SLC49A3: variants seen among roughly 807,000 people sequenced by gnomAD.
SLC49A3 encodes the protein solute carrier family 49 member 3, also known as solute carrier family 49 member A3.
Under a neutral mutation model 43.8 loss-of-function variants are expected in SLC49A3, and 50 were observed. The observed-to-expected ratio is 1.14, with a 90% CI of 0.91 to 1.45. The LOEUF (loss-of-function observed/expected upper bound fraction) is 1.45. Among genes scored for constraint, SLC49A3 ranks in the 40% most tolerant of loss-of-function variants. The pLI is 0.00. For synonymous variants in SLC49A3, 413 were observed against 352.0 expected, an observed-to-expected ratio of 1.17 and a Z score of -1.94; for missense variants, 906 against 774.1, an observed-to-expected ratio of 1.17 and a Z score of -2.02.
chr4:686,054 A>AGC (rs760181752), intron 3 of SLC49A3, 35 bp downstream of exon 3: 2 of 1,611,616 alleles, frequency 1.2e-6, no homozygotes, highest in African/African-American at 1.3e-5. Flanking sequence ...CCCTGAGGTG[A>AGC]GCCCAGGCAG....
intron 8 of SLC49A3, 56 bp downstream of exon 8, chr4:683,154 G>C: frequency 6.2e-7 from 1 of 1,605,924 alleles, no homozygotes; most frequent in Non-Finnish European, 8.5e-7. Flanking sequence ...CAGGGGTGTA[G>C]GGGTGGAGCA....
intron 8 of SLC49A3, 121 bp from the exon 9 acceptor site, chr4:683,011 G>A (rs564982610): frequency 5.4e-6 from 6 of 1,112,130 alleles, no homozygotes; most frequent in Admixed American, 4.8e-5. Context: ...AAGGCAGCAC[G>A]CAGCCTCGGT....
downstream of SLC49A3, chr4:676,972 G>A: frequency 3.1e-6 from 3 of 975,130 alleles, no homozygotes; most frequent in Non-Finnish European, 3.7e-6. Context: ...TGTCCCTCAG[G>A]GGGTAGGACC....
In SLC49A3 at chr4:682,806, C is replaced by G. The variant is rs763564158; in HGVS notation, c.1236G>C (p.Gln412His). 2.5e-6 allele frequency: 4 copies of G among 1,598,630 alleles called. No individual in the cohort carries two copies. In the East Asian group the frequency reaches 9.0e-5, roughly 36 times the overall value. The change falls in exon 9 of 10, where the codon CAG becomes CAC. Residue 412 changes from glutamine to histidine, a missense_variant. Physicochemically the swap from Gln to His is conservative, Grantham distance 24. Coordinates refer to ENST00000322224, the MANE Select transcript of SLC49A3 (RefSeq NM_032219.4). Reference protein sequence around the residue: ...RSEPSLSTCQQGEDPLDWTVS... With the variant: ...RSEPSLSTCQHGEDPLDWTVS... ...CTGTCCAGTCAAGTGGATCCTCCCCCTGCTGGCAGGTGGACAAGGACGGCT... is the reference window on the plus strand; with the variant it reads ...CTGTCCAGTCAAGTGGATCCTCCCCGTGCTGGCAGGTGGACAAGGACGGCT...
In SLC49A3 at chr4:682,354, G is replaced by A. The variant is rs2109388643; in HGVS notation, c.1284C>T (p.Gly428=). Residue 428 remains glycine, a synonymous_variant, in exon 10 of 10, where the codon GGC becomes GGT. Transcript: ENST00000322224. ...DWTVSLLLMA[G]LCTFFSCILA... ...GGATGCAGCTGAAGAAGGTGCACAG[G>A]CCGGCCATCAGCAGCAGAGACACTG... 7.4e-7 allele frequency: 1 copy of A among 1,342,462 alleles called. No homozygotes were observed. The highest frequency in any genetic ancestry group is 1.5e-5 in the African/African-American group (1 of 66,688). The allele number at this position is 1,342,462 out of a possible 1,614,324, so 83.2% of individuals were successfully genotyped here.
At chr4:686,425 C>T (rs1335626550) in intron 2 of SLC49A3, 107 bp downstream of exon 2, 2 of 1,563,674 alleles carry the variant, frequency 1.3e-6, no homozygotes, top group Non-Finnish European at 8.7e-7. Flanking sequence ...GGGTCCCCAG[C>T]TGTTGGGACT....
At chr4:684,263 G>A (rs369185760) in intron 6 of SLC49A3, among the ~76,000 whole-genome samples, 31 of 151,978 alleles carry the variant, frequency 2.0e-4, no homozygotes, top group African/African-American at 6.8e-4. Flanking sequence ...CCTCCGCTCC[G>A]TCCCACAGCT....
chr4:679,817 T>A (rs1739262847), downstream of SLC49A3: 639 of 769,542 alleles, frequency 8.3e-4, no homozygotes, highest in East Asian at 1.5e-3. Context: ...CTCCCCACCC[T>A]TCCCATCTGC....
downstream of SLC49A3, chr4:680,908 C>T (rs1739408429): frequency 5.7e-6 from 4 of 699,956 alleles, no homozygotes; most frequent in Non-Finnish European, 9.6e-6. Flanking sequence ...ATCAGCGGCT[C>T]CCCCAGAAGT....
downstream of SLC49A3, chr4:680,724 G>C: frequency 1.1e-6 from 1 of 886,342 alleles, no homozygotes; most frequent in Non-Finnish European, 1.7e-6. Flanking sequence ...CATGAGGAGC[G>C]AACCCAGGAT....
chr4:684,682 C>CA (rs1477305330), intron 5 of SLC49A3, 37 bp downstream of exon 5: 1 of 1,605,624 alleles, frequency 6.2e-7, no homozygotes, highest in South Asian at 1.1e-5. Context: ...CCCCCACCCC[C>CA]AAATCCACCC....
Position 685,725 on chromosome 4 carries a change from G to T in SLC49A3, c.585+110C>A. ...CTTCTCGGGTGGCGGGGCGGGGGAC[G>T]GGAATCACACACGGGCACAGGAACA... On this transcript the variant is annotated intron_variant, in intron 4 of 9. Coordinates refer to ENST00000322224, the MANE Select transcript of SLC49A3 (RefSeq NM_032219.4). This position sits in a 1 kb window ranked among gnomAD's most constrained non-coding sequence, Gnocchi z 4.3. The T allele has an allele frequency of 1.7e-6, 2 of 1,191,054 alleles. No homozygotes were observed. The highest frequency in any genetic ancestry group is 2.5e-5 in the East Asian group (1 of 39,738). 73.8% of individuals were successfully genotyped at this position (1,191,054 alleles called of 1,614,324 possible).
chr4:680,881 C>G, downstream of SLC49A3: 1 of 654,622 alleles, frequency 1.5e-6, no homozygotes. Flanking sequence ...CTGTAACCTC[C>G]TTCCGGCTCT....
chr4:680,377 G>C (rs1399796125), downstream of SLC49A3: 2 of 970,734 alleles, frequency 2.1e-6, no homozygotes, highest in Non-Finnish European at 3.2e-6. Context: ...CCTTCAGGCA[G>C]AGGCCACCTT....
chr4:682,259 T>C lies in SLC49A3; in HGVS notation c.1379A>G (p.Asn460Ser). The C allele has an allele frequency of 1.5e-6, 2 of 1,377,832 alleles. No individual in the cohort carries two copies. Among genetic ancestry groups the C allele is most frequent in the Non-Finnish European group, 1.9e-6 (2 of 1,054,640 alleles). The allele number at this position is 1,377,832 out of a possible 1,614,324, so 85.4% of individuals were successfully genotyped here. A position where few individuals can be genotyped will look rare whatever the true frequency, so the allele number is the denominator to read the frequency against. Reference sequence around the variant, plus strand: ...CCCTGAGTCTGCGCCGCCCACGGCGTTACGGGTGGAGGGGGGCTCCCCAGA... The same window carrying C: ...CCCTGAGTCTGCGCCGCCCACGGCGCTACGGGTGGAGGGGGGCTCCCCAGA... ...AESGEPPSTR[N>S]AVGGADSGPG... The change falls in exon 10 of 10, where the codon AAC (asparagine) becomes AGC (serine). Residue 460 changes from asparagine to serine, a missense_variant. Coordinates refer to ENST00000322224, the MANE Select transcript of SLC49A3 (RefSeq NM_032219.4).
At chr4:688,891 G>A in intron 1 of SLC49A3, 102 bp downstream of exon 1, 1 of 1,444,772 alleles carries the variant, frequency 6.9e-7, no homozygotes, top group East Asian at 2.9e-5. Context: ...CCCGCCCCCA[G>A]CCAGCACCTG....
chr4:680,974 G>A (rs936089134), downstream of SLC49A3: 3 of 1,151,606 alleles, frequency 2.6e-6, no homozygotes, highest in Non-Finnish European at 3.8e-6. Flanking sequence ...CACTCCAGCG[G>A]GAAGGGCGGG....
chr4:679,978 C>A (rs768979017), downstream of SLC49A3: 2 of 1,613,602 alleles, frequency 1.2e-6, no homozygotes, highest in Non-Finnish European at 1.7e-6. Context: ...GGCCCATCAA[C>A]TTCACCATGT....
At chr4:688,043 G>C (rs537626322) in intron 1 of SLC49A3, 1 of 152,318 alleles carries the variant, frequency 6.6e-6, no homozygotes, top group East Asian at 1.9e-4. Flanking sequence ...GACTGTCCAA[G>C]GAACGCCCCA....
Sources: gnomAD v4.1 joint callset for allele counts (sites outside exome capture counted in the v4.1 genomes callset) on GRCh38, gnomAD v4.1.1 for gene constraint, Gnocchi (gnomAD v3.1) non-coding constraint, MANE v1.5 for transcripts, NCBI Gene and HGNC (gene_info 2026-07-23, HGNC 2026-07-21) for gene names.